UNC79: variants seen among roughly 807,000 people sequenced by gnomAD.
UNC79 encodes the protein unc-79 subunit of NALCN channel complex, also known as protein unc-79 homolog.
A neutral mutation model predicts 283.1 loss-of-function variants in UNC79; 37 were observed. That is an observed-to-expected ratio of 0.13 (90% CI 0.10 to 0.17). UNC79 has a LOEUF of 0.17. Ranked by LOEUF, UNC79 falls within the 10% of genes least tolerant of loss-of-function variation. The pLI, the probability that UNC79 is intolerant of heterozygous loss-of-function variation, is 1.00. For synonymous variants in UNC79, 1,107 were observed against 1,200.2 expected (o/e 0.92, Z 1.61); for missense variants, 2,272 against 3,211.1 (o/e 0.71, Z 7.07).
chr14:93,538,248 T>C (rs1198101605), intron 12 of UNC79, 30 bp downstream of exon 12: 11 of 1,511,690 alleles, frequency 7.3e-6, no homozygotes, highest in Non-Finnish European at 9.8e-6. Context: ...TAGCTGCCTC[T>C]GACAACTCCA....
At chr14:93,464,417 T>A (rs1172678616) in intron 1 of UNC79, 6 of 419,878 alleles carry the variant, frequency 1.4e-5, no homozygotes, top group South Asian at 8.7e-5. Context: ...CTCTTATGTG[T>A]CCTAATCTCC....
upstream of UNC79, among the ~76,000 whole-genome samples, chr14:93,425,882 TA>T (rs2055715409): frequency 6.6e-6 from 1 of 152,138 alleles, no homozygotes; most frequent in Non-Finnish European, 1.5e-5. Flanking sequence ...AACTCTTCAG[TA>T]AAAGACTCCA....
At chr14:93,351,278 G>A (rs2053975873) in intron 1 of UNC79, among the ~76,000 whole-genome samples, 1 of 152,014 alleles carries the variant, frequency 6.6e-6, no homozygotes. Flanking sequence ...AAAGGGCTAA[G>A]GTATTTATAT....
Position 93,690,177 on chromosome 14 carries a change from T to A in UNC79, c.7146T>A (p.Gly2382=). 1 of 1,614,148 alleles carries A rather than the reference T, an allele frequency of 6.2e-7. No homozygotes were observed. Among genetic ancestry groups the A allele is most frequent in the Non-Finnish European group, 8.5e-7 (1 of 1,180,028 alleles). Residue 2382 remains glycine, a synonymous_variant, in exon 45 of 49, where the codon GGT becomes GGA. Coordinates refer to ENST00000555664, the Ensembl canonical transcript of UNC79. This position sits in a 1 kb window ranked among gnomAD's most constrained non-coding sequence, Gnocchi z 4.3. ...GACTGTTGTCCTGGCTGCTGCTGGGTTCCCTCACTCACAATGCAGTGTGCC... is the reference window on the plus strand; with the variant it reads ...GACTGTTGTCCTGGCTGCTGCTGGGATCCCTCACTCACAATGCAGTGTGCC...
At chr14:93,660,545 ATATATATATATATATATATG>A (rs1452133830) in intron 39 of UNC79, among the ~76,000 whole-genome samples, 1 of 119,234 alleles carries the variant, frequency 8.4e-6, no homozygotes, top group Non-Finnish European at 1.7e-5. Flanking sequence ...ATATATATAT[ATATATATATATATATATATG>A]TGTGTGTGTG....
chr14:93,646,093 A>G (rs2069567462), intron 34 of UNC79, among the ~76,000 whole-genome samples: 1 of 152,196 alleles, frequency 6.6e-6, no homozygotes, highest in South Asian at 2.1e-4. Context: ...TGGAAATTAC[A>G]TGCTCCATAT....
intron 20 of UNC79, among the ~76,000 whole-genome samples, chr14:93,583,504 C>T (rs955582666): frequency 2.6e-5 from 4 of 152,134 alleles, no homozygotes; most frequent in Admixed American, 6.5e-5. Context: ...ACTAAATCTT[C>T]GGTCAGAACT....
intron 14 of UNC79, among the ~76,000 whole-genome samples, chr14:93,552,362 A>G (rs536011364): frequency 1.3e-5 from 2 of 152,320 alleles, no homozygotes; most frequent in Admixed American, 1.3e-4. Context: ...GCAATTTTTC[A>G]TGTTTTTTTG....
At chr14:93,686,061 A>G (rs1440213229) in intron 42 of UNC79, among the ~76,000 whole-genome samples, 1 of 152,198 alleles carries the variant, frequency 6.6e-6, no homozygotes, top group East Asian at 1.9e-4. Context: ...TAGCATGAGA[A>G]TTTTTGACTC....
At chr14:93,424,283 A>G (rs368086645) in intron 1 of UNC79, among the ~76,000 whole-genome samples, 10 of 152,334 alleles carry the variant, frequency 6.6e-5, no homozygotes, top group African/African-American at 1.9e-4. Flanking sequence ...AAATTAGTAT[A>G]ACCACTATGG....
At chr14:93,347,337 G>GCCCGCTC (rs776903057) in intron 1 of UNC79, 3 of 1,600,342 alleles carry the variant, frequency 1.9e-6, no homozygotes, top group Non-Finnish European at 1.7e-6. Flanking sequence ...TCGGCCTGCA[G>GCCCGCTC]CCCGCTCCCC....
At chr14:93,684,023 TTTTG>T (rs138319701) in intron 42 of UNC79, among the ~76,000 whole-genome samples, 3,611 of 152,270 alleles carry the variant, frequency 0.024, 111 homozygotes, top group African/African-American at 0.073. Flanking sequence ...CTATTTGTTT[TTTTG>T]TTTGTTTGTC....
At chr14:93,412,978 CA>C (rs888368498) in intron 1 of UNC79, among the ~76,000 whole-genome samples, 9 of 151,808 alleles carry the variant, frequency 5.9e-5, no homozygotes, top group South Asian at 2.1e-4. Context: ...GTTAAGTACA[CA>C]AAAAAACACA....
chr14:93,633,439 T>G (rs1207282349), intron 31 of UNC79, among the ~76,000 whole-genome samples: 1 of 152,198 alleles, frequency 6.6e-6, no homozygotes, highest in Admixed American at 6.5e-5. Context: ...GTGCCATGAT[T>G]GTGAAATGTG....
intron 40 of UNC79, among the ~76,000 whole-genome samples, chr14:93,671,195 G>A (rs1254725557): frequency 2.0e-5 from 3 of 152,100 alleles, no homozygotes; most frequent in Admixed American, 1.3e-4. Context: ...GGAAAGATAT[G>A]CACAAGATAA....
intron 14 of UNC79, among the ~76,000 whole-genome samples, chr14:93,546,764 G>A (rs2061620711): frequency 6.6e-6 from 1 of 152,060 alleles, no homozygotes. Flanking sequence ...GCTTGATTGA[G>A]TTAGCAGTTA....
exon 1 of UNC79, chr14:93,333,458 G>A (rs926799755): frequency 5.0e-6 from 2 of 398,498 alleles, no homozygotes; most frequent in African/African-American, 4.1e-5. Flanking sequence ...ACTCTTCCGC[G>A]GAAAGTCATT....
chr14:93,569,631 A>G (rs2063103549), intron 14 of UNC79, among the ~76,000 whole-genome samples: 1 of 152,178 alleles, frequency 6.6e-6, no homozygotes, highest in African/African-American at 2.4e-5. Flanking sequence ...AAATTCTCCC[A>G]GCAGTGTTGA....
At chr14:93,383,104 G>C (rs2054697948) in intron 1 of UNC79, among the ~76,000 whole-genome samples, 1 of 152,166 alleles carries the variant, frequency 6.6e-6, no homozygotes, top group South Asian at 2.1e-4. Context: ...CATTTGAACT[G>C]GTCTTGAAAG....
Sources: allele counts gnomAD v4.1 joint callset (sites outside exome capture counted in the v4.1 genomes callset), GRCh38; gene constraint gnomAD v4.1.1; non-coding constraint Gnocchi (gnomAD v3.1); transcripts MANE v1.5; gene names NCBI Gene and HGNC (gene_info 2026-07-23, HGNC 2026-07-21).